FAM107B: variants seen among roughly 807,000 people sequenced by gnomAD.
FAM107B encodes protein FAM107B.
Under a neutral mutation model 31.5 loss-of-function variants are expected in FAM107B, and 21 were observed. The observed-to-expected ratio is 0.67, with a 90% CI of 0.47 to 0.96. The LOEUF is 0.96. Ranked by LOEUF, FAM107B falls within the 40% of genes least tolerant of loss-of-function variation. The pLI, the probability that FAM107B is intolerant of heterozygous loss-of-function variation, is 0.00. For synonymous variants in FAM107B, 157 were observed against 141.5 expected, an observed-to-expected ratio of 1.11 and a Z score of -0.78; for missense variants, 452 against 377.1, an observed-to-expected ratio of 1.20 and a Z score of -1.64.
intron 1 of FAM107B, among the ~76,000 whole-genome samples, chr10:14,773,123 A>G (rs1316618590): frequency 1.3e-5 from 2 of 152,182 alleles, no homozygotes; most frequent in Non-Finnish European, 2.9e-5. Flanking sequence ...AGAAAAAAAC[A>G]TAGCAGTTTT....
chr10:14,599,610 C>A (rs768865592), intron 2 of FAM107B, among the ~76,000 whole-genome samples: 1 of 152,002 alleles, frequency 6.6e-6, no homozygotes, highest in Non-Finnish European at 1.5e-5. Flanking sequence ...CAAGATCAGC[C>A]GGGGCAACAT....
At chr10:14,694,948 T>C (rs1855230264) in intron 1 of FAM107B, among the ~76,000 whole-genome samples, 1 of 152,214 alleles carries the variant, frequency 6.6e-6, no homozygotes, top group Admixed American at 6.5e-5. Flanking sequence ...AATGTATAGG[T>C]TGCTGTTTCA....
At position 14,600,650 on chromosome 10, in the gene FAM107B, A is replaced by AT. The variant is rs1217544498; in HGVS notation, c.469+66983dup. On this transcript the variant is annotated intron_variant, in intron 2 of 4. Transcript: ENST00000181796. ...TTCTTTTTTATGTATATGTATATGTATTTTTTAGCGACAGGCTCTCACTCT... is the reference window on the plus strand; with the variant it reads ...TTCTTTTTTATGTATATGTATATGTATTTTTTTAGCGACAGGCTCTCACTCT... Among the ~76,000 whole-genome samples, 10 of 151,954 alleles carry AT rather than the reference A, an allele frequency of 6.6e-5. No homozygotes were observed. In the South Asian group the frequency reaches 1.5e-3, roughly 22 times the overall value.
At position 14,628,112 on chromosome 10, in the gene FAM107B, G is replaced by GTTTTTTTTTT. The variant is rs71505033; in HGVS notation, c.469+39512_469+39521dup. 3.3e-3 allele frequency among the ~76,000 whole-genome samples: 305 copies of GTTTTTTTTTT among 92,670 alleles called. 10 individuals are homozygous for GTTTTTTTTTT. Among genetic ancestry groups the GTTTTTTTTTT allele is most frequent in the East Asian group, 5.7e-3 (13 of 2,292 alleles). 60.8% of individuals were successfully genotyped at this position (92,670 alleles called of 152,430 possible). ...TCCTTGTTTGTTTTTTGTTTTGCTG[G>GTTTTTTTTTT]TTTTTTTTTTTTTTTTTTTTTGAGA... On this transcript the variant is annotated intron_variant, in intron 2 of 4. Coordinates refer to ENST00000181796, the MANE Select transcript of FAM107B (RefSeq NM_031453.4).
chr10:14,742,811 A>G (rs1832645133), intron 1 of FAM107B, among the ~76,000 whole-genome samples: 1 of 152,056 alleles, frequency 6.6e-6, no homozygotes, highest in African/African-American at 2.4e-5. Context: ...CCTGAAGAAT[A>G]TTCTGCACTT....
At chr10:14,683,894 A>C in intron 1 of FAM107B, among the ~76,000 whole-genome samples, 1 of 152,214 alleles carries the variant, frequency 6.6e-6, no homozygotes, top group African/African-American at 2.4e-5. Flanking sequence ...TGTACAGAGC[A>C]CTGTTATATA....
At chr10:14,678,608 T>C (rs1854748205) in intron 1 of FAM107B, among the ~76,000 whole-genome samples, 1 of 60,158 alleles carries the variant, frequency 1.7e-5, no homozygotes, top group Non-Finnish European at 4.6e-5. Context: ...AACAAATAGC[T>C]TCCTCTCCTC....
intron 1 of FAM107B, among the ~76,000 whole-genome samples, chr10:14,705,002 C>T (rs1321928927): frequency 1.8e-5 from 2 of 110,770 alleles, no homozygotes; most frequent in Non-Finnish European, 3.4e-5. Context: ...CCAGACTGAG[C>T]AATGGAGTGA....
chr10:14,649,479 G>A (rs184790426), intron 2 of FAM107B, among the ~76,000 whole-genome samples: 1 of 152,174 alleles, frequency 6.6e-6, no homozygotes, highest in East Asian at 1.9e-4. Flanking sequence ...CCTGCTATCT[G>A]GAGGCTTCAT....
intron 1 of FAM107B, among the ~76,000 whole-genome samples, chr10:14,718,024 G>T (rs1045985780): frequency 8.6e-5 from 13 of 152,028 alleles, no homozygotes; most frequent in African/African-American, 3.1e-4. Flanking sequence ...GGGGGTCCAG[G>T]AGAAGAAATA....
intron 1 of FAM107B, among the ~76,000 whole-genome samples, chr10:14,729,327 G>A (rs1312862977): frequency 1.3e-5 from 2 of 151,998 alleles, no homozygotes; most frequent in Non-Finnish European, 1.5e-5. Flanking sequence ...CCTATTTTAC[G>A]GAAAAGAAAA....
At chr10:14,692,793 C>T (rs919056064) in intron 1 of FAM107B, among the ~76,000 whole-genome samples, 1 of 152,180 alleles carries the variant, frequency 6.6e-6, no homozygotes, top group Non-Finnish European at 1.5e-5. Flanking sequence ...TGAACGTTGT[C>T]TTGCTGCACG....
chr10:14,692,970 C>A (rs191557711), intron 1 of FAM107B, among the ~76,000 whole-genome samples: 1 of 152,178 alleles, frequency 6.6e-6, no homozygotes, highest in Non-Finnish European at 1.5e-5. Context: ...AGGGCTATGA[C>A]GATCCATGCA....
intron 1 of FAM107B, among the ~76,000 whole-genome samples, chr10:14,737,378 C>T (rs984826637): frequency 3.9e-5 from 6 of 151,956 alleles, no homozygotes; most frequent in Non-Finnish European, 7.4e-5. Flanking sequence ...TTCAGAACGT[C>T]GAGGTGGGCG....
chr10:14,550,444 T>C (rs1849150836), intron 2 of FAM107B, among the ~76,000 whole-genome samples: 2 of 152,206 alleles, frequency 1.3e-5, no homozygotes, highest in South Asian at 2.1e-4. Flanking sequence ...ATTCATTGCA[T>C]TGCAATCAAG....
chr10:14,668,094 T>A (rs748856599), intron 1 of FAM107B, among the ~76,000 whole-genome samples: 1 of 152,046 alleles, frequency 6.6e-6, no homozygotes, highest in Admixed American at 6.6e-5. Flanking sequence ...CAAGCTGGAG[T>A]GCAGTGGCAC....
intron 1 of FAM107B, among the ~76,000 whole-genome samples, chr10:14,747,480 T>A (rs536615818): frequency 1.3e-5 from 2 of 152,304 alleles, no homozygotes; most frequent in Admixed American, 1.3e-4. Context: ...TTTGTAAGGA[T>A]TTTTTTGTTG....
At position 14,688,767 on chromosome 10, in the gene FAM107B, C is replaced by T. The variant is rs934486502; in HGVS notation, c.412-21076G>A. Among the ~76,000 whole-genome samples the T allele has an allele frequency of 4.6e-5, 7 of 152,162 alleles. 1 individual carries two copies. The South Asian group carries it at 1.0e-3, about 23-fold the overall frequency. On this transcript the variant is annotated intron_variant, in intron 1 of 4. Transcript: ENST00000181796. ...AGACATCATTCCACAGTCTGACCAC[C>T]CTCTCCGCCCACACCTTCCTGCTGG...
At chr10:14,613,999 C>T (rs916532478) in intron 2 of FAM107B, among the ~76,000 whole-genome samples, 7 of 151,962 alleles carry the variant, frequency 4.6e-5, no homozygotes, top group Non-Finnish European at 8.8e-5. Flanking sequence ...GGAGTGTTGG[C>T]GGGCGCCTGT....
Sources: gnomAD v4.1 joint callset for allele counts (sites outside exome capture counted in the v4.1 genomes callset) on GRCh38, gnomAD v4.1.1 for gene constraint, MANE v1.5 for transcripts, NCBI Gene and HGNC (gene_info 2026-07-23, HGNC 2026-07-21) for gene names.